The following LGSN variants were observed in gnomAD, a reference collection of about 807,000 sequenced individuals.
The protein encoded by LGSN is lengsin.
In LGSN, 21 loss-of-function variants were observed where a neutral mutation model predicts 19.5. That is an observed-to-expected ratio of 1.07 (90% CI 0.76 to 1.55). The LOEUF (loss-of-function observed/expected upper bound fraction) is 1.55, where lower values mean the gene tolerates loss of function less well. Among genes scored for constraint, LGSN ranks in the 40% most tolerant of loss-of-function variants. The pLI, the probability that LGSN is intolerant of heterozygous loss-of-function variation, is 0.00. For missense variants in LGSN, 673 were observed against 608.5 expected, an observed-to-expected ratio of 1.11 and a Z score of -1.12; for synonymous variants, 257 against 215.6, an observed-to-expected ratio of 1.19 and a Z score of -1.68.
At chr6:63,326,827 C>T in the LGSN span, among the ~76,000 whole-genome samples, 455 of 152,266 alleles carry the variant, frequency 3.0e-3, 3 homozygotes, top group African/African-American at 0.01. Context: ...TTCCAACTCA[C>T]GCCTCTCCCT....
chr6:63,391,811 G>A, the LGSN span, among the ~76,000 whole-genome samples: 1 of 152,126 alleles, frequency 6.6e-6, no homozygotes, highest in Non-Finnish European at 1.5e-5. Flanking sequence ...GTCACATGAT[G>A]TAAAGCATAA....
chr6:63,568,927 C>T, the LGSN span, among the ~76,000 whole-genome samples: 1 of 152,060 alleles, frequency 6.6e-6, no homozygotes, highest in South Asian at 2.1e-4. Flanking sequence ...GTATTTGCCT[C>T]TATTACATAT....
chr6:63,533,483 T>A, the LGSN span, among the ~76,000 whole-genome samples: 1 of 152,182 alleles, frequency 6.6e-6, no homozygotes, highest in Non-Finnish European at 1.5e-5. Context: ...AGAACAGAGC[T>A]CTTTAAAAAA....
At chr6:63,283,145 ACT>A (rs1290876490) in intron 3 of LGSN, among the ~76,000 whole-genome samples, 3 of 151,810 alleles carry the variant, frequency 2.0e-5, no homozygotes, top group Non-Finnish European at 2.9e-5. Flanking sequence ...TTTTTTGAAC[ACT>A]CTTTTCTGGC....
At chr6:63,501,769 A>C in the LGSN span, among the ~76,000 whole-genome samples, 2 of 152,162 alleles carry the variant, frequency 1.3e-5, no homozygotes, top group Non-Finnish European at 2.9e-5. Flanking sequence ...TATATGTAGA[A>C]TTAGATCACT....
the LGSN span, among the ~76,000 whole-genome samples, chr6:63,443,937 A>G: frequency 6.6e-6 from 1 of 151,018 alleles, no homozygotes; most frequent in Non-Finnish European, 1.5e-5. Context: ...AAGTGTCATG[A>G]GACCTTTATG....
At chr6:63,348,098 A>G in the LGSN span, among the ~76,000 whole-genome samples, 2 of 152,244 alleles carry the variant, frequency 1.3e-5, no homozygotes, top group African/African-American at 4.8e-5. Flanking sequence ...GTCATTCAAT[A>G]TTAGCCAAGA....
the LGSN span, among the ~76,000 whole-genome samples, chr6:63,512,645 T>G: frequency 2.8e-4 from 43 of 152,338 alleles, no homozygotes; most frequent in African/African-American, 1.0e-3. Context: ...TCAATTAAGA[T>G]AGGCTTTTAT....
chr6:63,314,501 G>C (rs961513062), intron 1 of LGSN, among the ~76,000 whole-genome samples: 3 of 152,016 alleles, frequency 2.0e-5, no homozygotes, highest in Non-Finnish European at 4.4e-5. Flanking sequence ...AGGAGGAAGA[G>C]GACTATTAGG....
intron 2 of LGSN, among the ~76,000 whole-genome samples, chr6:63,290,058 G>GAAA (rs578029027): frequency 7.0e-6 from 1 of 142,996 alleles, no homozygotes. Context: ...GCTTTTCTTT[G>GAAA]AAAAAAAAAA....
the LGSN span, among the ~76,000 whole-genome samples, chr6:63,478,742 C>T: frequency 2.0e-5 from 3 of 152,174 alleles, no homozygotes; most frequent in South Asian, 6.2e-4. Flanking sequence ...ATATCAAAGA[C>T]AAGCTTGAGT....
chr6:63,351,738 A>G, the LGSN span, among the ~76,000 whole-genome samples: 5 of 152,236 alleles, frequency 3.3e-5, no homozygotes, highest in African/African-American at 1.2e-4. Flanking sequence ...GATTACAGAT[A>G]TGAGCCTCCA....
the LGSN span, among the ~76,000 whole-genome samples, chr6:63,487,485 A>T: frequency 6.6e-5 from 10 of 152,352 alleles, no homozygotes; most frequent in Admixed American, 6.5e-4. Context: ...AAATGCCAAA[A>T]TTATCTTTCA....
At chr6:63,513,214 G>A in the LGSN span, among the ~76,000 whole-genome samples, 5 of 152,130 alleles carry the variant, frequency 3.3e-5, no homozygotes, top group South Asian at 4.1e-4. Flanking sequence ...AGAAAGAAAT[G>A]GTAAAGGACA....
chr6:63,306,800 G>T (rs1768409567), intron 1 of LGSN, among the ~76,000 whole-genome samples: 1 of 152,164 alleles, frequency 6.6e-6, no homozygotes, highest in Non-Finnish European at 1.5e-5. Flanking sequence ...GACAATTGTT[G>T]CCATATTAAA....
At chr6:63,502,756 A>G in the LGSN span, among the ~76,000 whole-genome samples, 1 of 152,222 alleles carries the variant, frequency 6.6e-6, no homozygotes, top group Non-Finnish European at 1.5e-5. Flanking sequence ...AGCTCTCTGT[A>G]CAATTCTCAC....
the LGSN span, among the ~76,000 whole-genome samples, chr6:63,480,842 T>A: frequency 1.4e-5 from 2 of 147,590 alleles, no homozygotes; most frequent in African/African-American, 2.5e-5. Flanking sequence ...AAAAAAAACT[T>A]GCACACATAT....
At chr6:63,456,890 G>A in the LGSN span, among the ~76,000 whole-genome samples, 1 of 152,148 alleles carries the variant, frequency 6.6e-6, no homozygotes, top group Non-Finnish European at 1.5e-5. Flanking sequence ...GTTACTCAAG[G>A]AATTCTGTAG....
rs1200172276 is a variant in LGSN at position 63,292,465 on chromosome 6, T to C, written c.163+2448A>G. ...GTCTTGCCTGACAAGAGTGTCTTTGTTTACCAAGGGGTTCTAGGCCACGCC... is the reference window on the plus strand; with the variant it reads ...GTCTTGCCTGACAAGAGTGTCTTTGCTTACCAAGGGGTTCTAGGCCACGCC... On this transcript the variant is annotated intron_variant, in intron 2 of 3. Coordinates refer to ENST00000370657, the MANE Select transcript of LGSN (RefSeq NM_016571.3). Among the ~76,000 whole-genome samples, 2 of 152,164 alleles carry C rather than the reference T, an allele frequency of 1.3e-5. 1 individual carries two copies. The highest frequency in any genetic ancestry group is 2.9e-5 in the Non-Finnish European group (2 of 68,034).
Sources: allele counts gnomAD v4.1 joint callset (sites outside exome capture counted in the v4.1 genomes callset), GRCh38; gene constraint gnomAD v4.1.1; transcripts MANE v1.5; gene names NCBI Gene and HGNC (gene_info 2026-07-23, HGNC 2026-07-21).